Variants in SOX6 observed in about 807,000 individuals in gnomAD.
SOX6 encodes transcription factor SOX-6.
A neutral mutation model predicts 97.8 loss-of-function variants in SOX6; 11 were observed. The ratio of observed to expected loss-of-function variants is 0.11; its 90% CI spans 0.07 to 0.19. The LOEUF (loss-of-function observed/expected upper bound fraction) is 0.19, where lower values mean the gene tolerates loss of function less well. SOX6 is among the 10% of genes least tolerant of loss of function. SOX6 has a pLI of 1.00. For synonymous variants in SOX6, 360 were observed against 371.4 expected, an observed-to-expected ratio of 0.97 and a Z score of 0.35; for missense variants, 810 against 1,039.5, an observed-to-expected ratio of 0.78 and a Z score of 3.04.
At chr11:16,445,552 T>C (rs1483187265) in intron 1 of SOX6, among the ~76,000 whole-genome samples, 1 of 152,208 alleles carries the variant, frequency 6.6e-6, no homozygotes, top group Admixed American at 6.5e-5. Context: ...ACTGATCATG[T>C]TCTTACTGCA....
At chr11:16,392,000 TAGTACAAA>T (rs1256012552) in intron 1 of SOX6, among the ~76,000 whole-genome samples, 1 of 152,014 alleles carries the variant, frequency 6.6e-6, no homozygotes, top group East Asian at 1.9e-4. Flanking sequence ...GGTACATATA[TAGTACAAA>T]ATATTATGTA....
chr11:15,976,556 T>C (rs1298681875), intron 15 of SOX6, among the ~76,000 whole-genome samples: 2 of 151,972 alleles, frequency 1.3e-5, no homozygotes, highest in Admixed American at 6.6e-5. Context: ...AATGACAAGG[T>C]AATGCTTTGG....
chr11:16,338,103 T>C (rs1272056818), intron 2 of SOX6, among the ~76,000 whole-genome samples: 3 of 152,092 alleles, frequency 2.0e-5, no homozygotes, highest in African/African-American at 4.8e-5. Flanking sequence ...ATGAGGGCCA[T>C]TACAGAAAGT....
chr11:16,224,457 A>G (rs951230754), intron 4 of SOX6, among the ~76,000 whole-genome samples: 2 of 152,094 alleles, frequency 1.3e-5, no homozygotes, highest in African/African-American at 4.8e-5. Context: ...GACCTTAATC[A>G]TATGGTAGGA....
intron 6 of SOX6, among the ~76,000 whole-genome samples, chr11:16,170,864 T>A (rs917967398): frequency 1.3e-5 from 2 of 151,990 alleles, no homozygotes; most frequent in Admixed American, 6.6e-5. Flanking sequence ...AATCCTATAC[T>A]GTCCCCTGCT....
intron 4 of SOX6, among the ~76,000 whole-genome samples, chr11:16,196,287 A>G (rs1205923922): frequency 6.6e-6 from 1 of 152,186 alleles, no homozygotes; most frequent in Non-Finnish European, 1.5e-5. Flanking sequence ...ATTAAATCAT[A>G]TATCTGAGAT....
chr11:16,103,705 T>A lies in SOX6; in HGVS notation c.899-6017A>T, dbSNP rs191426296. On this transcript the variant is annotated intron_variant, in intron 7 of 15. Coordinates refer to ENST00000683767, the MANE Select transcript of SOX6 (RefSeq NM_001367873.1). ...AATACTACTCAGCCATAAAAGGGAATGAAATAATGGCATTCACAGCAACCT... is the reference window on the plus strand; with the variant it reads ...AATACTACTCAGCCATAAAAGGGAAAGAAATAATGGCATTCACAGCAACCT... 1.5e-4 allele frequency among the ~76,000 whole-genome samples: 23 copies of A among 151,940 alleles called. No homozygotes were observed. The South Asian group carries it at 3.5e-3, about 23-fold the overall frequency.
intron 3 of SOX6, among the ~76,000 whole-genome samples, chr11:16,273,034 A>T (rs1854301716): frequency 6.6e-6 from 1 of 151,964 alleles, no homozygotes; most frequent in Non-Finnish European, 1.5e-5. Context: ...TTCCAACAAG[A>T]ATTAAAGATG....
chr11:16,101,156 A>G (rs1490163060), intron 7 of SOX6, among the ~76,000 whole-genome samples: 2 of 151,658 alleles, frequency 1.3e-5, no homozygotes, highest in Admixed American at 1.3e-4. Flanking sequence ...ACTGATGCAA[A>G]CTTGAACATA....
At chr11:16,678,893 G>T (rs552984226) in intron 3 of SOX6, among the ~76,000 whole-genome samples, 84 of 152,298 alleles carry the variant, frequency 5.5e-4, no homozygotes, top group African/African-American at 1.9e-3. Flanking sequence ...GCAGATTGGT[G>T]GGGGGAGGGG....
At chr11:16,123,247 T>C (rs751824164) in intron 6 of SOX6, among the ~76,000 whole-genome samples, 2 of 152,122 alleles carry the variant, frequency 1.3e-5, no homozygotes, top group African/African-American at 2.4e-5. Context: ...GAGCTCATTA[T>C]GCAATAATGA....
chr11:16,540,084 A>C (rs1414685975), intron 4 of SOX6, among the ~76,000 whole-genome samples: 1 of 152,188 alleles, frequency 6.6e-6, no homozygotes, highest in Non-Finnish European at 1.5e-5. Context: ...AAATACTGGA[A>C]AACCGAATCC....
chr11:16,238,189 C>T (rs1853081221), intron 3 of SOX6, among the ~76,000 whole-genome samples: 1 of 151,910 alleles, frequency 6.6e-6, no homozygotes, highest in African/African-American at 2.4e-5. Context: ...CTTCAGTTCT[C>T]ACCTATAATT....
chr11:16,215,902 T>C (rs774477002), intron 4 of SOX6, among the ~76,000 whole-genome samples: 1 of 152,212 alleles, frequency 6.6e-6, no homozygotes, highest in African/African-American at 2.4e-5. Context: ...AAGAGTAGTA[T>C]GAAAGATTTG....
rs116832832 is a variant in SOX6 at position 16,037,403 on chromosome 11, C to T, written c.1623+9111G>A. 1.0e-3 allele frequency among the ~76,000 whole-genome samples: 157 copies of T among 152,260 alleles called. 1 individual carries two copies. The highest frequency in any genetic ancestry group is 3.5e-3 in the African/African-American group (147 of 41,548). On this transcript the variant is annotated intron_variant, in intron 12 of 15. Transcript: ENST00000683767. ...CACTGGAAAAGCCCTGTTTCTACAACAACAGGGCAGCTTCTAAGCTAAGGA... is the reference window on the plus strand; with the variant it reads ...CACTGGAAAAGCCCTGTTTCTACAATAACAGGGCAGCTTCTAAGCTAAGGA...
intron 1 of SOX6, among the ~76,000 whole-genome samples, chr11:16,438,256 G>A (rs1859426020): frequency 6.6e-6 from 1 of 152,022 alleles, no homozygotes; most frequent in African/African-American, 2.4e-5. Context: ...ATAGAAATAA[G>A]TGTAACCATT....
chr11:16,280,783 G>A (rs1224477633), intron 3 of SOX6, among the ~76,000 whole-genome samples: 1 of 152,062 alleles, frequency 6.6e-6, no homozygotes, highest in East Asian at 1.9e-4. Context: ...TAAAAACAAA[G>A]AAAGGTGTTC....
chr11:16,427,539 CT>C (rs980573051), intron 1 of SOX6, among the ~76,000 whole-genome samples: 2 of 150,392 alleles, frequency 1.3e-5, no homozygotes, highest in African/African-American at 4.9e-5. Context: ...TCCATGTGTT[CT>C]CATTGTTCAA....
intron 1 of SOX6, among the ~76,000 whole-genome samples, chr11:16,412,755 A>C (rs1213745660): frequency 6.6e-6 from 1 of 152,224 alleles, no homozygotes; most frequent in Non-Finnish European, 1.5e-5. Flanking sequence ...TCTCTCAGGC[A>C]GGCTCTCCCC....
Sources: allele counts gnomAD v4.1 joint callset (sites outside exome capture counted in the v4.1 genomes callset), GRCh38; gene constraint gnomAD v4.1.1; transcripts MANE v1.5; gene names NCBI Gene and HGNC (gene_info 2026-07-23, HGNC 2026-07-21).